The following TRHDE variants were observed in gnomAD, a reference collection of about 807,000 sequenced individuals.
TRHDE encodes the protein thyrotropin-releasing hormone-degrading ectoenzyme.
In TRHDE, 72 loss-of-function variants were observed where a neutral mutation model predicts 125.7. The observed-to-expected ratio is 0.57, with a 90% CI of 0.47 to 0.70. TRHDE has a LOEUF of 0.70. Among genes scored for constraint, TRHDE ranks in the 30% least tolerant of loss-of-function variants. The pLI, the probability that TRHDE is intolerant of heterozygous loss-of-function variation, is 0.00. For synonymous variants in TRHDE, 509 were observed against 509.1 expected, an observed-to-expected ratio of 1.00 and a Z score of 0.00; for missense variants, 1,110 against 1,327.1, an observed-to-expected ratio of 0.84 and a Z score of 2.54.
intron 6 of TRHDE, among the ~76,000 whole-genome samples, chr12:72,540,073 C>A (rs1379607995): frequency 6.6e-6 from 1 of 151,736 alleles, no homozygotes; most frequent in Non-Finnish European, 1.5e-5. Context: ...TTGTTATAAT[C>A]CATACATAGT....
intron 2 of TRHDE, among the ~76,000 whole-genome samples, chr12:72,150,978 A>T (rs1240072722): frequency 7.2e-5 from 11 of 152,238 alleles, no homozygotes; most frequent in East Asian, 1.9e-4. Context: ...CGCCACACCG[A>T]CTTCCACAAT....
intron 2 of TRHDE, among the ~76,000 whole-genome samples, chr12:72,179,425 G>A (rs1170190968): frequency 6.6e-6 from 1 of 152,078 alleles, no homozygotes; most frequent in African/African-American, 2.4e-5. Flanking sequence ...CTTATAGAAT[G>A]TATCTGTCGC....
intron 3 of TRHDE, among the ~76,000 whole-genome samples, chr12:72,445,158 C>T (rs886082115): frequency 2.6e-5 from 4 of 151,348 alleles, no homozygotes; most frequent in South Asian, 2.1e-4. Context: ...TTGTGTGCCT[C>T]AGTTGGGATT....
intron 2 of TRHDE, among the ~76,000 whole-genome samples, chr12:72,229,743 A>G (rs1053975363): frequency 2.0e-5 from 3 of 152,232 alleles, no homozygotes; most frequent in African/African-American, 7.2e-5. Context: ...ATAGCTTGAA[A>G]TAAAGTTATA....
At position 72,562,175 on chromosome 12, in the gene TRHDE, C is replaced by T; in HGVS notation, c.1799C>T (p.Thr600Ile). 1.3e-6 allele frequency: 2 copies of T among 1,516,476 alleles called. No homozygotes were observed. The highest frequency in any genetic ancestry group is 1.8e-6 in the Non-Finnish European group (2 of 1,098,016). The allele number at this position is 1,516,476 out of a possible 1,614,324, so 93.9% of individuals were successfully genotyped here. A position where few individuals can be genotyped will look rare whatever the true frequency, so the allele number is the denominator to read the frequency against. Reference protein sequence around the residue: ...VFQRGLQDYLTIHKYGNAARN... With the variant: ...VFQRGLQDYLIIHKYGNAARN... ...TTTATATTCTTGTAGGATTATTTAA[C>T]CATTCATAAGTATGGTAATGCAGCC... The change falls in exon 8 of 19, where the codon ACC (threonine) becomes ATC (isoleucine). Residue 600 changes from threonine to isoleucine, a missense_variant. Physicochemically the swap from Thr to Ile is moderately conservative, Grantham distance 89. This residue lies in a region of TRHDE where 527 missense variants were observed against 651.8 expected (regional missense o/e 0.81). Coordinates refer to ENST00000261180, the MANE Select transcript of TRHDE (RefSeq NM_013381.3).
At chr12:72,393,487 A>G (rs868539869) in intron 3 of TRHDE, among the ~76,000 whole-genome samples, 3 of 152,154 alleles carry the variant, frequency 2.0e-5, no homozygotes, top group African/African-American at 7.2e-5. Flanking sequence ...GGGAGTGCAT[A>G]AACAAACAGT....
chr12:72,091,122 C>T (rs969285946), intron 1 of TRHDE, among the ~76,000 whole-genome samples: 1 of 152,146 alleles, frequency 6.6e-6, no homozygotes, highest in African/African-American at 2.4e-5. Flanking sequence ...GATCCTCCCT[C>T]TTCAGCCTCC....
intron 1 of TRHDE, among the ~76,000 whole-genome samples, chr12:72,094,081 G>A (rs537622429): frequency 6.6e-6 from 1 of 152,316 alleles, no homozygotes; most frequent in South Asian, 2.1e-4. Flanking sequence ...TTGCAGTGGA[G>A]TCTGTGGTTG....
At chr12:72,500,677 C>A (rs1878111839) in intron 6 of TRHDE, among the ~76,000 whole-genome samples, 2 of 152,182 alleles carry the variant, frequency 1.3e-5, no homozygotes, top group South Asian at 4.2e-4. Context: ...CAGGTTTGAG[C>A]CATGGCACCC....
At chr12:72,342,044 A>T (rs968755864) in intron 2 of TRHDE, among the ~76,000 whole-genome samples, 1 of 151,298 alleles carries the variant, frequency 6.6e-6, no homozygotes, top group African/African-American at 2.4e-5. Flanking sequence ...AATATGAGTA[A>T]AAAAAAAAGA....
At chr12:72,288,636 G>A (rs1385204917) in intron 2 of TRHDE, among the ~76,000 whole-genome samples, 1 of 152,208 alleles carries the variant, frequency 6.6e-6, no homozygotes. Flanking sequence ...CTTGCTGTGG[G>A]TCAGCTAGCA....
chr12:72,142,623 T>A (rs1876141177), intron 2 of TRHDE, among the ~76,000 whole-genome samples: 1 of 152,180 alleles, frequency 6.6e-6, no homozygotes, highest in South Asian at 2.1e-4. Context: ...CCTGTTTTCA[T>A]GCCCAAAAAG....
In TRHDE at chr12:72,238,295, T is replaced by TATAC. The variant is rs1462030967; in HGVS notation, n.279+132546_279+132547insCATA. On this transcript the variant is annotated intron_variant and non_coding_transcript_variant, in intron 2 of 4. Coordinates refer to the TRHDE transcript ENST00000548156. The stretch of plus-strand genomic sequence containing the variant: ...TCCTTAATATATATATATATATATA[T>TATAC]ATATATATATATATATATATATATA... Among the ~76,000 whole-genome samples the TATAC allele has an allele frequency of 3.2e-4, 10 of 30,956 alleles. No individual in the cohort carries two copies. The South Asian group carries it at 4.5e-3, about 14-fold the overall frequency. The allele number at this position is 30,956 out of a possible 152,430, so 20.3% of individuals were successfully genotyped here. A position where few individuals can be genotyped will look rare whatever the true frequency, so the allele number is the denominator to read the frequency against.
chr12:72,457,093 C>T (rs1321883212), intron 3 of TRHDE, among the ~76,000 whole-genome samples: 1 of 152,096 alleles, frequency 6.6e-6, no homozygotes, highest in Non-Finnish European at 1.5e-5. Flanking sequence ...CATAATTCAA[C>T]CTGAATGGGG....
intron 2 of TRHDE, among the ~76,000 whole-genome samples, chr12:72,223,765 T>G (rs953283071): frequency 3.9e-5 from 6 of 152,084 alleles, no homozygotes; most frequent in Non-Finnish European, 8.8e-5. Flanking sequence ...TATGTAGAAC[T>G]TGGACAGATC....
At chr12:72,430,831 G>A (rs1177393384) in intron 3 of TRHDE, among the ~76,000 whole-genome samples, 1 of 152,064 alleles carries the variant, frequency 6.6e-6, no homozygotes, top group Non-Finnish European at 1.5e-5. Context: ...GAATCTCTGT[G>A]TCAGGCTGGA....
chr12:72,428,606 G>A (rs1022141122), intron 3 of TRHDE, among the ~76,000 whole-genome samples: 2 of 151,812 alleles, frequency 1.3e-5, no homozygotes, highest in African/African-American at 2.4e-5. Context: ...TGCTGTGCAG[G>A]CCATTAAAAT....
At chr12:72,150,749 T>C (rs915237684) in intron 2 of TRHDE, among the ~76,000 whole-genome samples, 3 of 152,024 alleles carry the variant, frequency 2.0e-5, no homozygotes, top group Non-Finnish European at 4.4e-5. Context: ...TATGGCTGCA[T>C]AGTATTCCAT....
chr12:72,240,861 C>T (rs373817799), intron 2 of TRHDE, among the ~76,000 whole-genome samples: 1 of 152,154 alleles, frequency 6.6e-6, no homozygotes, highest in Non-Finnish European at 1.5e-5. Flanking sequence ...CATGAGCCAC[C>T]GCGCCTGGCC....
Sources: allele counts gnomAD v4.1 joint callset (sites outside exome capture counted in the v4.1 genomes callset), GRCh38; gene constraint gnomAD v4.1.1; regional missense constraint gnomAD v4.1.1; transcripts MANE v1.5; gene names NCBI Gene and HGNC (gene_info 2026-07-23, HGNC 2026-07-21).